Variants in RBFOX1 observed in about 807,000 individuals in gnomAD.
RBFOX1 encodes RNA binding protein fox-1 homolog 1.
Under a neutral mutation model 57.7 loss-of-function variants are expected in RBFOX1, and 8 were observed. The observed-to-expected ratio is 0.14, with a 90% CI of 0.08 to 0.25. RBFOX1 has a LOEUF of 0.25. Ranked by LOEUF, RBFOX1 falls within the 10% of genes least tolerant of loss-of-function variation. RBFOX1 has a pLI of 1.00. For missense variants in RBFOX1, 611 were observed against 548.5 expected (o/e 1.11, Z -1.14); for synonymous variants, 326 against 222.4 (o/e 1.47, Z -4.15).
At chr16:7,392,055 C>G (rs1049946664) in intron 4 of RBFOX1, among the ~76,000 whole-genome samples, 1 of 152,230 alleles carries the variant, frequency 6.6e-6, no homozygotes, top group Non-Finnish European at 1.5e-5. Flanking sequence ...TTTGCCACCA[C>G]AATACTTAAG....
In RBFOX1 at chr16:6,726,397, C is replaced by CTT. The variant is rs5815344; in HGVS notation, c.-16+71759_-16+71760dup. ...AAATAAAAATAAAACGCTATTTTTTCTTTTTTTTTTTTTAACTTTGCAAAG... is the reference window on the plus strand; with the variant it reads ...AAATAAAAATAAAACGCTATTTTTTCTTTTTTTTTTTTTTTAACTTTGCAAAG... On this transcript the variant is annotated intron_variant, in intron 3 of 15. Transcript: ENST00000550418. Among the ~76,000 whole-genome samples, 1,113 of 146,964 alleles carry CTT rather than the reference C, an allele frequency of 7.6e-3. 21 individuals are homozygous for CTT. Among genetic ancestry groups the CTT allele is most frequent in the East Asian group, 0.054 (271 of 5,060 alleles).
rs977788896 is a variant in RBFOX1, at chr16:7,207,328, G to A, written c.27+155230G>A. On this transcript the variant is annotated intron_variant, in intron 4 of 15. Coordinates refer to ENST00000550418, the MANE Select transcript of RBFOX1 (RefSeq NM_018723.4). ...GAGTCATGCATGTTTCTGACCAGAT[G>A]GAACATGATTTTTCTTATTTCTCCA... Among the ~76,000 whole-genome samples the A allele has an allele frequency of 2.0e-5, 3 of 152,208 alleles. No individual in the cohort carries two copies. The East Asian group carries it at 5.8e-4, about 29-fold the overall frequency.
chr16:7,574,487 G>T (rs1384538060), intron 5 of RBFOX1, among the ~76,000 whole-genome samples: 3 of 152,180 alleles, frequency 2.0e-5, no homozygotes, highest in African/African-American at 7.2e-5. Flanking sequence ...ACAGCCTTCA[G>T]TCTGTGGTCG....
chr16:7,585,718 C>A (rs1277399314), intron 6 of RBFOX1, among the ~76,000 whole-genome samples: 1 of 152,168 alleles, frequency 6.6e-6, no homozygotes, highest in Non-Finnish European at 1.5e-5. Context: ...TCTACTGTTT[C>A]TGGGAGGGTG....
At chr16:5,241,682 C>G (rs1214999871) in intron 1 of RBFOX1, among the ~76,000 whole-genome samples, 4 of 152,138 alleles carry the variant, frequency 2.6e-5, no homozygotes, top group African/African-American at 9.7e-5. Context: ...AAGGGAAGCT[C>G]GTCCATAGAA....
chr16:5,449,587 G>C (rs1165710137), intron 1 of RBFOX1, among the ~76,000 whole-genome samples: 1 of 152,054 alleles, frequency 6.6e-6, no homozygotes, highest in Non-Finnish European at 1.5e-5. Context: ...TATTGACTTG[G>C]AAATATAGAA....
intron 4 of RBFOX1, among the ~76,000 whole-genome samples, chr16:5,914,782 C>A (rs1047737990): frequency 1.3e-5 from 2 of 152,112 alleles, no homozygotes; most frequent in African/African-American, 4.8e-5. Flanking sequence ...GTAGTCCCAG[C>A]TACTCAGGAG....
chr16:6,043,422 G>A (rs943802059), intron 1 of RBFOX1, among the ~76,000 whole-genome samples: 4 of 152,184 alleles, frequency 2.6e-5, no homozygotes, highest in African/African-American at 9.7e-5. Context: ...ATTTCCTTCA[G>A]AGTCTGCTAT....
chr16:5,790,345 C>T (rs763207990), intron 3 of RBFOX1, among the ~76,000 whole-genome samples: 8 of 152,212 alleles, frequency 5.3e-5, no homozygotes, highest in Admixed American at 3.3e-4. Context: ...GAAACCCCTG[C>T]ATTTTCCATT....
intron 1 of RBFOX1, among the ~76,000 whole-genome samples, chr16:6,263,227 T>G (rs935136373): frequency 1.3e-5 from 2 of 152,140 alleles, no homozygotes; most frequent in Middle Eastern, 3.2e-3. Flanking sequence ...CCCCAGGAAT[T>G]TTGTTTGAAA....
chr16:5,621,419 G>C (rs9933721), intron 3 of RBFOX1, among the ~76,000 whole-genome samples: 2,327 of 152,256 alleles, frequency 0.015, 62 homozygotes, highest in African/African-American at 0.051. Flanking sequence ...AAAGTGCTTT[G>C]CATGTTATTT....
At chr16:5,441,248 A>G (rs1337035978) in intron 1 of RBFOX1, among the ~76,000 whole-genome samples, 2 of 151,926 alleles carry the variant, frequency 1.3e-5, no homozygotes, top group Non-Finnish European at 2.9e-5. Context: ...TCCTTCTTTC[A>G]TTCAGTTTTC....
chr16:6,032,970 G>C (rs2152392422), intron 1 of RBFOX1, among the ~76,000 whole-genome samples: 1 of 151,626 alleles, frequency 6.6e-6, no homozygotes, highest in South Asian at 2.1e-4. Context: ...GAAGCTACTG[G>C]CTCTGCTAAT....
At chr16:7,041,445 C>T (rs997619937) in intron 3 of RBFOX1, among the ~76,000 whole-genome samples, 1 of 152,098 alleles carries the variant, frequency 6.6e-6, no homozygotes, top group Non-Finnish European at 1.5e-5. Context: ...TTAACCATTT[C>T]ATTACTTGTG....
chr16:7,466,023 C>G (rs1480557794), intron 4 of RBFOX1, among the ~76,000 whole-genome samples: 2 of 152,154 alleles, frequency 1.3e-5, no homozygotes, highest in South Asian at 2.1e-4. Context: ...AGTGCATCAT[C>G]TGTGTTTTCT....
Position 6,777,448 on chromosome 16 carries a change from A to C in RBFOX1, c.-16+122798A>C, listed in dbSNP as rs151283150. Among the ~76,000 whole-genome samples, 417 of 152,292 alleles carry C rather than the reference A, an allele frequency of 2.7e-3. 2 individuals are homozygous for C. The highest frequency in any genetic ancestry group is 9.6e-3 in the African/African-American group (400 of 41,562). On this transcript the variant is annotated intron_variant, in intron 3 of 15. Coordinates refer to ENST00000550418, the MANE Select transcript of RBFOX1 (RefSeq NM_018723.4). ...AACCAACCAAATAACACTAGGTATC[A>C]GTTTTCAGCTGCATGTAAACTCAAC...
intron 2 of RBFOX1, among the ~76,000 whole-genome samples, chr16:6,563,566 G>GGGTGT (rs2097213303): frequency 6.6e-6 from 1 of 152,180 alleles, no homozygotes; most frequent in Admixed American, 6.5e-5. Context: ...AAAGATGGCT[G>GGGTGT]GGTGTGGTGG....
At chr16:7,327,958 C>G (rs145194563) in intron 4 of RBFOX1, among the ~76,000 whole-genome samples, 8 of 152,262 alleles carry the variant, frequency 5.3e-5, no homozygotes, top group African/African-American at 1.4e-4. Context: ...CTAGATACCC[C>G]CTGTCTCTCA....
intron 4 of RBFOX1, among the ~76,000 whole-genome samples, chr16:5,925,965 C>G (rs1181113660): frequency 3.3e-5 from 5 of 152,050 alleles, no homozygotes; most frequent in African/African-American, 4.8e-5. Context: ...CTTACCTTTC[C>G]TATTGTCTAT....
Sources: gnomAD v4.1 joint callset for allele counts (sites outside exome capture counted in the v4.1 genomes callset) on GRCh38, gnomAD v4.1.1 for gene constraint, MANE v1.5 for transcripts, NCBI Gene and HGNC (gene_info 2026-07-23, HGNC 2026-07-21) for gene names.